The following NEGR1 variants were observed in gnomAD, a reference collection of about 807,000 sequenced individuals.
The protein encoded by NEGR1 is IgLON family member 4.
A neutral mutation model predicts 40.9 loss-of-function variants in NEGR1; 10 were observed. That is an observed-to-expected ratio of 0.24 (90% CI 0.15 to 0.42). The LOEUF is 0.42. NEGR1 is among the 10% of genes least tolerant of loss of function. NEGR1 has a pLI of 1.00. For missense variants in NEGR1, 352 were observed against 438.9 expected (o/e 0.80, Z 1.77); for synonymous variants, 185 against 166.8 (o/e 1.11, Z -0.84).
intron 1 of NEGR1, among the ~76,000 whole-genome samples, chr1:71,959,316 C>T (rs1646144416): frequency 6.6e-6 from 1 of 152,202 alleles, no homozygotes; most frequent in Non-Finnish European, 1.5e-5. Context: ...TCCTGTATGA[C>T]TTTCCATTTT....
intron 3 of NEGR1, among the ~76,000 whole-genome samples, chr1:71,744,743 T>C (rs1366500592): frequency 2.6e-5 from 4 of 152,180 alleles, no homozygotes; most frequent in Non-Finnish European, 5.9e-5. Context: ...ATCTTAGTTT[T>C]TTAAGAAAAA....
chr1:71,522,291 T>C (rs1016759942), intron 6 of NEGR1, among the ~76,000 whole-genome samples: 3 of 152,120 alleles, frequency 2.0e-5, no homozygotes. Flanking sequence ...AATGCATTAA[T>C]GCAAAAATGT....
At chr1:72,049,127 C>G (rs1390497197) in intron 1 of NEGR1, among the ~76,000 whole-genome samples, 1 of 151,212 alleles carries the variant, frequency 6.6e-6, no homozygotes, top group African/African-American at 2.4e-5. Context: ...GTTCAAGACA[C>G]CAGCCTAGGC....
intron 6 of NEGR1, among the ~76,000 whole-genome samples, chr1:71,459,581 T>C (rs1557533584): frequency 6.6e-6 from 1 of 152,192 alleles, no homozygotes; most frequent in Non-Finnish European, 1.5e-5. Flanking sequence ...AGCTTTTTTT[T>C]ACCTTTATCT....
chr1:71,628,584 G>A (rs1241184252), intron 4 of NEGR1, among the ~76,000 whole-genome samples: 2 of 151,678 alleles, frequency 1.3e-5, no homozygotes, highest in Non-Finnish European at 2.9e-5. Context: ...CCCCTGACAG[G>A]CCCCGTCGTG....
At chr1:72,156,318 GGC>G (rs879882084) in intron 1 of NEGR1, among the ~76,000 whole-genome samples, 2 of 151,876 alleles carry the variant, frequency 1.3e-5, no homozygotes, top group Non-Finnish European at 2.9e-5. Flanking sequence ...ACTATTTTGG[GGC>G]TTGGGAGTCA....
intron 6 of NEGR1, among the ~76,000 whole-genome samples, chr1:71,508,020 GAGCTACAAATCT>G (rs1051632194): frequency 1.3e-5 from 2 of 152,116 alleles, no homozygotes; most frequent in Admixed American, 1.3e-4. Context: ...CAGTTGGGCA[GAGCTACAAATCT>G]CCCTACTATG....
intron 6 of NEGR1, among the ~76,000 whole-genome samples, chr1:71,481,367 C>G (rs183109636): frequency 6.6e-6 from 1 of 152,020 alleles, no homozygotes; most frequent in African/African-American, 2.4e-5. Context: ...TAACCATTCT[C>G]TTTACACAAT....
chr1:72,194,963 G>T (rs1347073593), intron 1 of NEGR1, among the ~76,000 whole-genome samples: 1 of 151,978 alleles, frequency 6.6e-6, no homozygotes, highest in Non-Finnish European at 1.5e-5. Context: ...CCCAAGCACA[G>T]TATGTGCACA....
chr1:71,511,409 T>C (rs1206060200), intron 6 of NEGR1, among the ~76,000 whole-genome samples: 1 of 152,248 alleles, frequency 6.6e-6, no homozygotes, highest in Non-Finnish European at 1.5e-5. Flanking sequence ...TTTCAAAATA[T>C]GTTACAAGAC....
intron 1 of NEGR1, among the ~76,000 whole-genome samples, chr1:72,109,690 A>G (rs1485818925): frequency 6.6e-6 from 1 of 151,692 alleles, no homozygotes; most frequent in Non-Finnish European, 1.5e-5. Context: ...GATCAAGACA[A>G]CTAGGAGAAA....
intron 1 of NEGR1, among the ~76,000 whole-genome samples, chr1:72,173,952 T>G (rs1395936141): frequency 6.6e-6 from 1 of 151,886 alleles, no homozygotes; most frequent in African/African-American, 2.4e-5. Flanking sequence ...TCAATAATAA[T>G]AATAATAATA....
intron 4 of NEGR1, among the ~76,000 whole-genome samples, chr1:71,679,923 C>T (rs909509195): frequency 2.6e-5 from 4 of 151,774 alleles, no homozygotes; most frequent in African/African-American, 9.7e-5. Context: ...TATGAAATGA[C>T]CTATGGTTTT....
At chr1:72,153,656 T>C (rs17589316) in intron 1 of NEGR1, among the ~76,000 whole-genome samples, 31,425 of 151,628 alleles carry the variant, frequency 0.21, 3,790 homozygotes, top group South Asian at 0.29. Context: ...TAAATAGTGA[T>C]TGAAACCACT....
At chr1:71,563,138 TAA>T (rs1483685811) in intron 6 of NEGR1, among the ~76,000 whole-genome samples, 2 of 152,004 alleles carry the variant, frequency 1.3e-5, no homozygotes, top group Non-Finnish European at 2.9e-5. Context: ...TGTTTGCTTA[TAA>T]AAGAGTGCTT....
chr1:72,112,829 G>T lies in NEGR1; in HGVS notation c.176+169490C>A, dbSNP rs147303710. 4.6e-5 allele frequency among the ~76,000 whole-genome samples: 7 copies of T among 151,624 alleles called. No homozygotes were observed. In the South Asian group the frequency reaches 1.5e-3, roughly 32 times the overall value. On this transcript the variant is annotated intron_variant, in intron 1 of 6. Transcript: ENST00000357731. ...TAGTACAGGTTGTGCTTCTCTGGGC[G>T]CTCCCCTGACATGGGTTTTGGGGGA...
intron 6 of NEGR1, among the ~76,000 whole-genome samples, chr1:71,513,917 G>A (rs1035344943): frequency 1.3e-4 from 19 of 145,944 alleles, no homozygotes; most frequent in African/African-American, 2.8e-4. Flanking sequence ...CCTGGGAAGC[G>A]CAAGGGGTCA....
chr1:71,845,733 A>ATCTC (rs1278167482), intron 2 of NEGR1, among the ~76,000 whole-genome samples: 2 of 151,546 alleles, frequency 1.3e-5, no homozygotes, highest in East Asian at 3.9e-4. Flanking sequence ...CTATCTATCT[A>ATCTC]TCTACCTACC....
intron 1 of NEGR1, among the ~76,000 whole-genome samples, chr1:71,965,041 C>G (rs533946136): frequency 2.6e-5 from 4 of 152,174 alleles, no homozygotes; most frequent in African/African-American, 9.6e-5. Flanking sequence ...CAAGTTCTGG[C>G]CAATAAAAGC....
Sources: allele counts gnomAD v4.1 joint callset (sites outside exome capture counted in the v4.1 genomes callset), GRCh38; gene constraint gnomAD v4.1.1; transcripts MANE v1.5; gene names NCBI Gene and HGNC (gene_info 2026-07-23, HGNC 2026-07-21).